Variants in PPARGC1A observed in about 807,000 individuals in gnomAD.
PPARGC1A encodes PPARG coactivator 1 alpha.
Under a neutral mutation model 88.7 loss-of-function variants are expected in PPARGC1A, and 25 were observed. The observed-to-expected ratio is 0.28, with a 90% CI of 0.21 to 0.39. PPARGC1A has a LOEUF of 0.39. Among genes scored for constraint, PPARGC1A ranks in the 10% least tolerant of loss-of-function variants. The probability of loss-of-function intolerance (pLI) is 1.00; values close to 1 mark genes in which losing one functional copy is unlikely to be tolerated. For synonymous variants in PPARGC1A, 363 were observed against 355.6 expected (o/e 1.02, Z -0.24); for missense variants, 880 against 968.7 (o/e 0.91, Z 1.22).
chr4:24,437,598 T>C, the PPARGC1A span, among the ~76,000 whole-genome samples: 3 of 39,814 alleles, frequency 7.5e-5, no homozygotes, highest in African/African-American at 1.2e-4. Context: ...AGGTTTTTTG[T>C]TGTTGTTGTT....
the PPARGC1A span, among the ~76,000 whole-genome samples, chr4:24,009,133 TAAAAAA>T: frequency 1.3e-5 from 1 of 74,486 alleles, no homozygotes; most frequent in African/African-American, 5.0e-5. Context: ...CCGCAGTCTA[TAAAAAA>T]AAAAAAAAAA....
chr4:24,166,189 G>A, the PPARGC1A span, among the ~76,000 whole-genome samples: 1 of 152,236 alleles, frequency 6.6e-6, no homozygotes. Flanking sequence ...GGCTAATGCA[G>A]AGTAGAGCCC....
the PPARGC1A span, among the ~76,000 whole-genome samples, chr4:24,239,431 G>T: frequency 6.6e-6 from 1 of 152,184 alleles, no homozygotes; most frequent in East Asian, 1.9e-4. Flanking sequence ...GGCATCTGAG[G>T]GCTGGTGTAG....
the PPARGC1A span, among the ~76,000 whole-genome samples, chr4:24,245,764 A>T: frequency 6.6e-6 from 1 of 152,228 alleles, no homozygotes; most frequent in Admixed American, 6.5e-5. Flanking sequence ...ATACAAGAAA[A>T]GAAAAATATC....
the PPARGC1A span, among the ~76,000 whole-genome samples, chr4:24,217,441 T>C: frequency 6.6e-6 from 1 of 152,138 alleles, no homozygotes; most frequent in African/African-American, 2.4e-5. Flanking sequence ...GTTGTTCGGA[T>C]GGAAGAGCAT....
chr4:24,380,480 C>T, the PPARGC1A span, among the ~76,000 whole-genome samples: 24 of 152,260 alleles, frequency 1.6e-4, no homozygotes, highest in East Asian at 4.3e-3. Context: ...AGTCCAGCCT[C>T]ATCCTTTTTG....
At chr4:24,206,068 CAA>C in the PPARGC1A span, among the ~76,000 whole-genome samples, 1 of 152,136 alleles carries the variant, frequency 6.6e-6, no homozygotes, top group Non-Finnish European at 1.5e-5. Flanking sequence ...CTGCCAAGGT[CAA>C]GAGTTGAAGG....
the PPARGC1A span, among the ~76,000 whole-genome samples, chr4:24,201,185 C>T: frequency 1.1e-4 from 16 of 152,226 alleles, no homozygotes; most frequent in Non-Finnish European, 1.8e-4. Context: ...TAGTATGTGG[C>T]CAGTATCACT....
chr4:24,007,679 G>T, the PPARGC1A span, among the ~76,000 whole-genome samples: 2 of 152,184 alleles, frequency 1.3e-5, no homozygotes, highest in Admixed American at 1.3e-4. Flanking sequence ...GGGAGGCACA[G>T]ATGTGAGATG....
chr4:23,917,448 C>T, the PPARGC1A span, among the ~76,000 whole-genome samples: 1 of 151,530 alleles, frequency 6.6e-6, no homozygotes, highest in Non-Finnish European at 1.5e-5. Flanking sequence ...CTCAGCTTCC[C>T]GAGTAGCTGG....
the PPARGC1A span, among the ~76,000 whole-genome samples, chr4:24,287,207 C>A: frequency 5.5e-5 from 8 of 144,906 alleles, no homozygotes; most frequent in Non-Finnish European, 4.5e-5. Flanking sequence ...CAGTTGTGAC[C>A]AAAAAAAAAA....
At chr4:24,264,255 G>A in the PPARGC1A span, among the ~76,000 whole-genome samples, 1 of 151,840 alleles carries the variant, frequency 6.6e-6, no homozygotes, top group African/African-American at 2.4e-5. Context: ...TACCCATGTT[G>A]TTCAAGGCTC....
the PPARGC1A span, among the ~76,000 whole-genome samples, chr4:24,115,811 A>T: frequency 6.6e-6 from 1 of 152,098 alleles, no homozygotes; most frequent in Non-Finnish European, 1.5e-5. Context: ...TTCCTCTCTG[A>T]TAAGATCAGA....
At chr4:24,190,635 A>G in the PPARGC1A span, among the ~76,000 whole-genome samples, 1 of 152,172 alleles carries the variant, frequency 6.6e-6, no homozygotes, top group African/African-American at 2.4e-5. Flanking sequence ...TATTATTCCC[A>G]CTTTACAAAA....
the PPARGC1A span, among the ~76,000 whole-genome samples, chr4:23,948,621 C>G: frequency 1.3e-5 from 2 of 152,134 alleles, no homozygotes; most frequent in Non-Finnish European, 1.5e-5. Flanking sequence ...ATTTGCAGAG[C>G]GAGCTCATTG....
chr4:24,128,252 T>C, the PPARGC1A span, among the ~76,000 whole-genome samples: 1 of 152,206 alleles, frequency 6.6e-6, no homozygotes, highest in African/African-American at 2.4e-5. Context: ...TTAGCTTCCC[T>C]GTGACTCAGT....
chr4:24,199,499 A>T, the PPARGC1A span, among the ~76,000 whole-genome samples: 2 of 152,170 alleles, frequency 1.3e-5, 1 homozygote, highest in Non-Finnish European at 2.9e-5. Context: ...GGACATTTTA[A>T]TTGAGACTTG....
the PPARGC1A span, among the ~76,000 whole-genome samples, chr4:24,004,760 C>A: frequency 6.6e-6 from 1 of 152,116 alleles, no homozygotes; most frequent in Non-Finnish European, 1.5e-5. Flanking sequence ...TTCAAAAAGG[C>A]AAATTACTAG....
At chr4:24,122,371 GTGTGTGTATGCGTA>G in the PPARGC1A span, among the ~76,000 whole-genome samples, 4 of 150,372 alleles carry the variant, frequency 2.7e-5, no homozygotes, top group Non-Finnish European at 4.4e-5. Context: ...GTATGCGTAT[GTGTGTGTATGCGTA>G]TGTGTGTGTG....
Sources: allele counts gnomAD v4.1 joint callset (sites outside exome capture counted in the v4.1 genomes callset), GRCh38; gene constraint gnomAD v4.1.1; transcripts MANE v1.5; gene names NCBI Gene and HGNC (gene_info 2026-07-23, HGNC 2026-07-21).